The following SYTL2 variants were observed in gnomAD, a reference collection of about 807,000 sequenced individuals.
The protein encoded by SYTL2 is synaptotagmin-like protein 2.
Under a neutral mutation model 198.7 loss-of-function variants are expected in SYTL2, and 165 were observed. That is an observed-to-expected ratio of 0.83 (90% CI 0.73 to 0.94). The LOEUF (loss-of-function observed/expected upper bound fraction) is 0.94. SYTL2 is among the 40% of genes least tolerant of loss of function. SYTL2 has a pLI of 0.00. For missense variants in SYTL2, 2,835 were observed against 2,582.8 expected, an observed-to-expected ratio of 1.10 and a Z score of -2.12; for synonymous variants, 966 against 917.7, an observed-to-expected ratio of 1.05 and a Z score of -0.95.
the SYTL2 span, among the ~76,000 whole-genome samples, chr11:85,844,552 C>T: frequency 1.6e-3 from 250 of 152,254 alleles, 3 homozygotes; most frequent in African/African-American, 5.8e-3. Flanking sequence ...TAGACTACTT[C>T]CTGGTGTGGA....
Position 85,694,945 on chromosome 11 carries a change from A to C in SYTL2, c.*250T>G. 3.1e-6 allele frequency: 1 copy of C among 320,044 alleles called. No homozygotes were observed. The highest frequency in any genetic ancestry group is 5.7e-6 in the Non-Finnish European group (1 of 176,328). The allele number at this position is 320,044 out of a possible 1,614,324, so 19.8% of individuals were successfully genotyped here. On this transcript the variant is annotated 3_prime_UTR_variant, in exon 20 of 20. Coordinates refer to ENST00000359152, the MANE Select transcript of SYTL2 (RefSeq NM_206927.4). ...AGCTTTTTCTTTGAAGCAGCAGCAG[A>C]AATTCAATTTTCCTAGCTTGTTCAA...
intron 15 of SYTL2, 135 bp from the exon 16 acceptor site, chr11:85,705,163 C>A: frequency 1.7e-6 from 1 of 579,988 alleles, no homozygotes; most frequent in South Asian, 2.9e-5. Context: ...AAAAATATTG[C>A]AAAGTCATCT....
At chr11:85,723,928 A>C in intron 8 of SYTL2, 104 bp downstream of exon 8, 1 of 544,504 alleles carries the variant, frequency 1.8e-6, no homozygotes, top group Non-Finnish European at 3.0e-6. Flanking sequence ...AGAATTTAAC[A>C]TCATTTAAGA....
At position 85,704,871 on chromosome 11, in the gene SYTL2, G is replaced by T. The variant is rs747031346; in HGVS notation, c.6176C>A (p.Pro2059His). Reference sequence around the variant, plus strand: ...TTCCGGACTCACCTTCCGCTTCAGAGGGTACCATCTCAATTGTTTATTCTG... The same window carrying T: ...TTCCGGACTCACCTTCCGCTTCAGATGGTACCATCTCAATTGTTTATTCTG... ...NKQNKQLRWYPLKRKTAPVAL... is the reference protein window; with the variant it reads ...NKQNKQLRWYHLKRKTAPVAL... Residue 2059 changes from proline (P) to histidine (H), a missense_variant, in exon 16 of 20, where the codon CCT becomes CAT. Physicochemically the swap from Pro to His is moderately conservative, Grantham distance 77. Around this residue, in one of 3 missense-constraint regions of SYTL2, gnomAD observed 2,645 missense variants for 2,381.7 expected, o/e 1.11. Transcript: ENST00000359152. The T allele has an allele frequency of 6.2e-7, 1 of 1,612,842 alleles. No individual in the cohort carries two copies.
the SYTL2 span, among the ~76,000 whole-genome samples, chr11:85,845,910 G>A: frequency 1.3e-5 from 2 of 152,006 alleles, no homozygotes; most frequent in Non-Finnish European, 2.9e-5. Context: ...GCAAGACTCT[G>A]TCTCAAAAAA....
In SYTL2 at chr11:85,724,383, C is replaced by G; in HGVS notation, c.4975G>C (p.Val1659Leu). Residue 1659 changes from valine (V) to leucine (L), a missense_variant, in exon 8 of 20, where the codon GTT (valine) becomes CTT (leucine). Val to Leu is a conservative substitution (Grantham distance 32). Coordinates refer to ENST00000359152, the MANE Select transcript of SYTL2 (RefSeq NM_206927.4). ...AGTTGTGGGGTTCTAGGGATCTCAA[C>G]TCCACTTCTGGAACCACAAAAATCT... Reference protein sequence around the residue: ...LVDFCGSRSGVEIPRTPQLYV... With the variant: ...LVDFCGSRSGLEIPRTPQLYV... The G allele has an allele frequency of 1.3e-6, 2 of 1,593,076 alleles. No homozygotes were observed. Among genetic ancestry groups the G allele is most frequent in the Non-Finnish European group, 1.7e-6 (2 of 1,171,560 alleles).
intron 5 of SYTL2, 96 bp from the exon 6 acceptor site, chr11:85,736,711 T>C: frequency 1.5e-6 from 1 of 683,630 alleles, no homozygotes; most frequent in Non-Finnish European, 2.6e-6. Context: ...GATAGTTTTA[T>C]CCCATAAACT....
chr11:85,854,048 G>C, the SYTL2 span: 34 of 152,028 alleles, frequency 2.2e-4, no homozygotes, highest in African/African-American at 7.7e-4. Context: ...TGTTGCCTAC[G>C]CTGGTCTCAA....
At chr11:85,778,441 G>A (rs1313799909) in intron 1 of SYTL2, among the ~76,000 whole-genome samples, 1 of 152,190 alleles carries the variant, frequency 6.6e-6, no homozygotes, top group African/African-American at 2.4e-5. Context: ...CATCACAACA[G>A]TACCCGGTAC....
intron 9 of SYTL2, chr11:85,719,399 A>ATT: frequency 1.1e-6 from 1 of 946,954 alleles, no homozygotes; most frequent in Non-Finnish European, 1.3e-6. Flanking sequence ...GCTGATGGTG[A>ATT]TTTTTTTTTA....
chr11:85,759,052 C>T (rs1271501014), intron 1 of SYTL2, among the ~76,000 whole-genome samples: 1 of 152,006 alleles, frequency 6.6e-6, no homozygotes, highest in Non-Finnish European at 1.5e-5. Flanking sequence ...CGAGACCAGC[C>T]TGACCAACAT....
At chr11:85,746,578 C>T (rs1292225995) in intron 3 of SYTL2, among the ~76,000 whole-genome samples, 1 of 152,150 alleles carries the variant, frequency 6.6e-6, no homozygotes, top group African/African-American at 2.4e-5. Context: ...AGTAAGTGCC[C>T]AGAATACTTT....
chr11:85,787,408 A>G (rs10898403), intron 1 of SYTL2, among the ~76,000 whole-genome samples: 50,632 of 151,754 alleles, frequency 0.33, 10,029 homozygotes, highest in African/African-American at 0.54. Context: ...TAGTAACTTT[A>G]TGGTTTTTTA....
chr11:85,697,915 C>T (rs2083641877), intron 18 of SYTL2, 64 bp downstream of exon 18: 4 of 1,064,380 alleles, frequency 3.8e-6, no homozygotes, highest in Non-Finnish European at 5.8e-6. Context: ...ATATAGAGAA[C>T]CGAAACTAAC....
At chr11:85,750,078 G>A (rs2091422841) in intron 2 of SYTL2, among the ~76,000 whole-genome samples, 2 of 152,222 alleles carry the variant, frequency 1.3e-5, no homozygotes, top group African/African-American at 2.4e-5. Flanking sequence ...GTGCTCTTCT[G>A]TGACCTCTGT....
the SYTL2 span, among the ~76,000 whole-genome samples, chr11:85,847,788 A>G: frequency 6.6e-6 from 1 of 152,196 alleles, no homozygotes; most frequent in East Asian, 1.9e-4. Context: ...GCATCTATTC[A>G]AATCTTTTGG....
rs1429901968 is a variant in SYTL2 at position 85,714,517 on chromosome 11, A to G, written c.5531-10T>C. ...GTAGGCACTGTGGAAACTAAACAGC[A>G]GCATTTCCATTTCAAAATTATTCTT... On this transcript the variant is annotated splice_polypyrimidine_tract_variant and intron_variant, in intron 11 of 19. Coordinates refer to ENST00000359152, the MANE Select transcript of SYTL2 (RefSeq NM_206927.4). The G allele has an allele frequency of 1.2e-6, 2 of 1,606,452 alleles. No individual in the cohort carries two copies. Among genetic ancestry groups the G allele is most frequent in the South Asian group, 2.2e-5 (2 of 90,650 alleles).
chr11:85,842,440 G>A, the SYTL2 span, among the ~76,000 whole-genome samples: 6 of 152,212 alleles, frequency 3.9e-5, no homozygotes, highest in African/African-American at 9.7e-5. Context: ...AATTCTGAGC[G>A]TATTTTCTCC....
intron 1 of SYTL2, among the ~76,000 whole-genome samples, chr11:85,808,488 G>GA (rs542748521): frequency 6.6e-5 from 10 of 152,052 alleles, no homozygotes; most frequent in Non-Finnish European, 1.5e-4. Context: ...TGAAAAATGG[G>GA]AAAAAAGTGG....
Sources: allele counts gnomAD v4.1 joint callset (sites outside exome capture counted in the v4.1 genomes callset), GRCh38; gene constraint gnomAD v4.1.1; regional missense constraint gnomAD v4.1.1; transcripts MANE v1.5; gene names NCBI Gene and HGNC (gene_info 2026-07-23, HGNC 2026-07-21).